The following ADGB variants were observed in gnomAD, a reference collection of about 807,000 sequenced individuals.
ADGB encodes androglobin.
Under a neutral mutation model 210.5 loss-of-function variants are expected in ADGB, and 172 were observed. The observed-to-expected ratio is 0.82, with a 90% confidence interval of 0.72 to 0.93. The LOEUF is 0.93. Among genes scored for constraint, ADGB ranks in the 40% least tolerant of loss-of-function variants. ADGB has a pLI of 0.00. For synonymous variants in ADGB, 658 were observed against 662.7 expected (o/e 0.99, Z 0.11); for missense variants, 2,025 against 1,964.8 (o/e 1.03, Z -0.58).
At chr6:146,716,750 T>G in intron 14 of ADGB, 133 bp from the exon 15 acceptor site, 1 of 765,892 alleles carries the variant, frequency 1.3e-6, no homozygotes, top group Non-Finnish European at 2.0e-6. Context: ...CATAAATGTA[T>G]GAAGCCTGGA....
intron 35 of ADGB, chr6:146,802,735 T>G (rs1274646029): frequency 4.7e-6 from 7 of 1,488,274 alleles, no homozygotes; most frequent in East Asian, 2.3e-5. Flanking sequence ...ACTTTTTTTG[T>G]AAATTACACA....
At chr6:146,693,349 G>C (rs1776358186) in intron 12 of ADGB, among the ~76,000 whole-genome samples, 1 of 152,032 alleles carries the variant, frequency 6.6e-6, no homozygotes, top group Admixed American at 6.6e-5. Flanking sequence ...GTCTGTCCAG[G>C]CACACACACA....
At chr6:146,666,172 C>T (rs1033153959) in intron 6 of ADGB, among the ~76,000 whole-genome samples, 27 of 152,076 alleles carry the variant, frequency 1.8e-4, no homozygotes, top group African/African-American at 4.8e-4. Flanking sequence ...CCGTGACTCC[C>T]GGGCAGAAGG....
intron 27 of ADGB, among the ~76,000 whole-genome samples, chr6:146,759,167 T>C (rs1166712626): frequency 6.6e-6 from 1 of 151,806 alleles, no homozygotes; most frequent in Non-Finnish European, 1.5e-5. Context: ...ACTACCTTGA[T>C]AGGTATTCTG....
At position 146,763,994 on chromosome 6, in the gene ADGB, C is replaced by T. The variant is rs2114625363; in HGVS notation, c.3644C>T (p.Pro1215Leu). Reference sequence around the variant, plus strand: ...GCTGCTCAGGGAATTCAGAAATCCCCCAAGGGTAGAGCTGTAAGTGCAATA... The same window carrying T: ...GCTGCTCAGGGAATTCAGAAATCCCTCAAGGGTAGAGCTGTAAGTGCAATA... ...KKAAQGIQKS[P>L]KGRAVSAIQD... is the part of the protein sequence containing the mutation. Residue 1215 changes from proline (P) to leucine (L), a missense_variant, in exon 28 of 36, where the codon CCC (proline) becomes CTC (leucine). Pro to Leu is a moderately conservative substitution (Grantham distance 98). Coordinates refer to ENST00000397944, the MANE Select transcript of ADGB (RefSeq NM_024694.4). The T allele has an allele frequency of 6.4e-7, 1 of 1,551,470 alleles. No homozygotes were observed. Among genetic ancestry groups the T allele is most frequent in the East Asian group, 2.4e-5 (1 of 40,910 alleles).
At chr6:146,781,873 A>C (rs373351461) in intron 29 of ADGB, 147 bp from the exon 30 acceptor site, 1 of 533,120 alleles carries the variant, frequency 1.9e-6, no homozygotes, top group South Asian at 6.6e-5. Flanking sequence ...AAACGAGTCC[A>C]ACAGGCCTTT....
intron 1 of ADGB, among the ~76,000 whole-genome samples, chr6:146,619,159 A>C (rs1412922146): frequency 2.0e-5 from 3 of 149,766 alleles, no homozygotes; most frequent in Non-Finnish European, 4.5e-5. Flanking sequence ...TCTTGACTTA[A>C]AGTTTGTTTT....
chr6:146,698,755 G>A (rs766354958), intron 12 of ADGB, among the ~76,000 whole-genome samples: 3 of 151,966 alleles, frequency 2.0e-5, no homozygotes, highest in Admixed American at 6.6e-5. Flanking sequence ...GTTTTGTTTT[G>A]TTTTGTTTTT....
rs1044304340 is a variant in ADGB, at chr6:146,788,560, C to T, written c.4487C>T (p.Ser1496Phe). ...KSTSSESGGV[S>F]SPGKEEREQS... is the part of the protein sequence containing the mutation. ...ACGAGTAGCGAAAGTGGAGGAGTGT[C>T]TTCACCAGGGAAAGAAGAGCGCGAG... Residue 1496 changes from serine (S) to phenylalanine (F), a missense_variant, in exon 33 of 36, where the codon TCT becomes TTT. By Grantham distance (155) the Ser-to-Phe change is radical. Coordinates refer to ENST00000397944, the MANE Select transcript of ADGB (RefSeq NM_024694.4). 1 of 1,551,570 alleles carries T rather than the reference C, an allele frequency of 6.4e-7. No homozygotes were observed. The highest frequency in any genetic ancestry group is 1.4e-5 in the African/African-American group (1 of 73,018).
intron 29 of ADGB, 26 bp downstream of exon 29, chr6:146,769,157 T>C (rs1175520028): frequency 2.6e-6 from 3 of 1,153,364 alleles, no homozygotes; most frequent in Non-Finnish European, 3.7e-6. Flanking sequence ...TGTTTAAACA[T>C]GCACTTTACA....
chr6:146,667,580 T>TTA (rs771773107), intron 7 of ADGB, among the ~76,000 whole-genome samples: 22 of 152,088 alleles, frequency 1.4e-4, no homozygotes, highest in East Asian at 1.2e-3. Context: ...TCTCCCACAC[T>TTA]TATATATATA....
intron 7 of ADGB, among the ~76,000 whole-genome samples, chr6:146,671,457 T>C (rs1231467454): frequency 6.6e-6 from 1 of 152,176 alleles, no homozygotes; most frequent in Non-Finnish European, 1.5e-5. Flanking sequence ...ATTTTCTGCT[T>C]TGAGTACTAA....
chr6:146,800,087 C>T (rs1278263998), intron 33 of ADGB, among the ~76,000 whole-genome samples: 1 of 152,036 alleles, frequency 6.6e-6, no homozygotes, highest in African/African-American at 2.4e-5. Flanking sequence ...GGATTACAGG[C>T]GTGAGCCACC....
rs139616101 is a variant in ADGB, at chr6:146,605,448, A to G, written c.74+6334A>G. Among the ~76,000 whole-genome samples, 49 of 152,316 alleles carry G rather than the reference A, an allele frequency of 3.2e-4. 2 individuals are homozygous for G. In the East Asian group the frequency reaches 7.1e-3, roughly 22 times the overall value. On this transcript the variant is annotated intron_variant, in intron 1 of 35. Transcript: ENST00000397944. The stretch of plus-strand genomic sequence containing the variant: ...CTGAAAAAGAAAATAAAGAATGTGT[A>G]AATAAGATTCAGTGACAGATTTCTG...
Position 146,752,734 on chromosome 6 carries a change from C to T in ADGB, c.3550+20C>T, listed in dbSNP as rs1441110607. The T allele has an allele frequency of 5.3e-6, 8 of 1,517,658 alleles. No individual in the cohort carries two copies. Among genetic ancestry groups the T allele is most frequent in the Non-Finnish European group, 7.1e-6 (8 of 1,131,956 alleles). The allele number at this position is 1,517,658 out of a possible 1,614,324, so 94.0% of individuals were successfully genotyped here. On this transcript the variant is annotated intron_variant, in intron 27 of 35. Transcript: ENST00000397944. ...CCCAGTGTAAGTGTACCTTTATGAA[C>T]AGGATAGTTAGATTCATAAATGGAT...
rs1189982171 is a variant in ADGB, at chr6:146,598,978, G to A, written c.-63G>A. ...CGCCGTCTCCTGGCAACGCAGACGC[G>A]GAGCCGAGCGCGCCCGCAGGCTCTT... On this transcript the variant is annotated 5_prime_UTR_variant, in exon 1 of 36. Coordinates refer to ENST00000397944, the MANE Select transcript of ADGB (RefSeq NM_024694.4). 1 of 1,450,454 alleles carries A rather than the reference G, an allele frequency of 6.9e-7. No individual in the cohort carries two copies. The highest frequency in any genetic ancestry group is 9.5e-7 in the Non-Finnish European group (1 of 1,056,876). 89.8% of individuals were successfully genotyped at this position (1,450,454 alleles called of 1,614,324 possible).
intron 16 of ADGB, among the ~76,000 whole-genome samples, chr6:146,720,125 A>C (rs995863231): frequency 6.6e-6 from 1 of 152,164 alleles, no homozygotes; most frequent in African/African-American, 2.4e-5. Context: ...AATTAAGTTA[A>C]TTGAACACAT....
At chr6:146,726,502 C>T (rs1038180132) in intron 19 of ADGB, among the ~76,000 whole-genome samples, 1 of 152,150 alleles carries the variant, frequency 6.6e-6, no homozygotes, top group Admixed American at 6.5e-5. Context: ...GGATCACAGG[C>T]ATGAGCCACC....
intron 35 of ADGB, among the ~76,000 whole-genome samples, chr6:146,809,667 T>C (rs1317322057): frequency 1.3e-5 from 2 of 152,132 alleles, no homozygotes; most frequent in African/African-American, 4.8e-5. Flanking sequence ...AATACTCCCA[T>C]AAATGATCAA....
Sources: allele counts gnomAD v4.1 joint callset (sites outside exome capture counted in the v4.1 genomes callset), GRCh38; gene constraint gnomAD v4.1.1; transcripts MANE v1.5; gene names NCBI Gene and HGNC (gene_info 2026-07-23, HGNC 2026-07-21).